The following PHKB variants were observed in gnomAD, a reference collection of about 807,000 sequenced individuals.
The protein encoded by PHKB is phosphorylase kinase regulatory subunit beta.
PHKB carries 122 observed loss-of-function variants against 152.1 expected under a neutral mutation model. The observed-to-expected ratio is 0.80, with a 90% CI of 0.69 to 0.93. The LOEUF (loss-of-function observed/expected upper bound fraction) is 0.93, where lower values mean the gene tolerates loss of function less well. PHKB is among the 40% of genes least tolerant of loss of function. PHKB has a pLI of 0.00. For missense variants in PHKB, 1,304 were observed against 1,328.4 expected (o/e 0.98, Z 0.29); for synonymous variants, 436 against 464.9 (o/e 0.94, Z 0.80).
chr16:47,547,438 T>G lies in PHKB; in HGVS notation c.600T>G (p.Ser200=). The change falls in exon 7 of 31, where the codon TCT becomes TCG. Residue 200 remains serine, a synonymous_variant. Transcript: ENST00000323584. The stretch of plus-strand genomic sequence containing the variant: ...TTCATTTCTTTTTCTTTTAGGTCTC[T>G]TTTATTCAAAACCTTGTATTTTGTG... The part of the protein sequence containing the change: ...LQIIYNTDEV[S]FIQNLVFCVE... 1 of 1,597,304 alleles carries G rather than the reference T, an allele frequency of 6.3e-7. No homozygotes were observed. The highest frequency in any genetic ancestry group is 1.1e-5 in the South Asian group (1 of 90,742).
At chr16:47,624,525 A>G (rs1467709131) in intron 14 of PHKB, among the ~76,000 whole-genome samples, 1 of 152,194 alleles carries the variant, frequency 6.6e-6, no homozygotes, top group Non-Finnish European at 1.5e-5. Flanking sequence ...GCTTCTAATT[A>G]CAATTGGAAC....
intron 7 of PHKB, chr16:47,565,715 C>T: frequency 6.8e-7 from 1 of 1,474,478 alleles, no homozygotes; most frequent in South Asian, 1.2e-5. Context: ...TCTCCCGAGG[C>T]CATCGTTCTA....
chr16:47,691,913 A>G (rs767143747), intron 27 of PHKB, among the ~76,000 whole-genome samples: 2 of 152,232 alleles, frequency 1.3e-5, no homozygotes, highest in Non-Finnish European at 2.9e-5. Context: ...TTTTTAAAGT[A>G]TTAATCATAA....
Position 47,588,291 on chromosome 16 carries a change from G to A in PHKB, c.870+528G>A, listed in dbSNP as rs528280202. ...AAAACAACTCTTTTATGTAAGTAAT[G>A]TAAGATTATCATTAAAAAAAAAAAA... On this transcript the variant is annotated intron_variant, in intron 9 of 30. Coordinates refer to ENST00000323584, the MANE Select transcript of PHKB (RefSeq NM_000293.3). Among the ~76,000 whole-genome samples the A allele has an allele frequency of 2.0e-5, 3 of 149,694 alleles. No homozygotes were observed. The East Asian group carries it at 5.9e-4, about 29-fold the overall frequency.
chr16:47,467,404 A>G (rs1206084145), intron 1 of PHKB, among the ~76,000 whole-genome samples: 1 of 152,168 alleles, frequency 6.6e-6, no homozygotes, highest in Non-Finnish European at 1.5e-5. Context: ...GTCAGTAATC[A>G]CTGTAACTCT....
chr16:47,593,441 AAAT>A lies in PHKB; in HGVS notation c.1069-46_1069-44del, dbSNP rs548121217. 1.1e-3 allele frequency: 1,022 copies of A among 932,576 alleles called. 9 individuals are homozygous for A. The African/African-American group carries it at 0.014, about 13-fold the overall frequency. The allele number at this position is 932,576 out of a possible 1,614,324, so 57.8% of individuals were successfully genotyped here. A position where few individuals can be genotyped will look rare whatever the true frequency, so the allele number is the denominator to read the frequency against. On this transcript the variant is annotated intron_variant, in intron 10 of 30. Transcript: ENST00000323584. ...GGCCACAGAGTGAGATCTTGTCTCA[AAAT>A]AATAATAATAATTTAATTGTTAGTG...
At chr16:47,602,453 C>T (rs772185947) in intron 13 of PHKB, among the ~76,000 whole-genome samples, 1 of 151,900 alleles carries the variant, frequency 6.6e-6, no homozygotes, top group African/African-American at 2.4e-5. Context: ...ATTATTAACA[C>T]CCAGCAAACT....
chr16:47,616,982 T>C (rs1037125839), intron 14 of PHKB, among the ~76,000 whole-genome samples: 1 of 151,510 alleles, frequency 6.6e-6, no homozygotes, highest in Non-Finnish European at 1.5e-5. Flanking sequence ...TAAGAACACC[T>C]TAAGTAGTTT....
chr16:47,605,714 T>C (rs1972310149), intron 13 of PHKB, among the ~76,000 whole-genome samples: 2 of 152,186 alleles, frequency 1.3e-5, no homozygotes, highest in South Asian at 4.1e-4. Flanking sequence ...TTTGAAAAAG[T>C]GTATTTTTTT....
intron 7 of PHKB, among the ~76,000 whole-genome samples, chr16:47,574,041 T>C (rs539961722): frequency 6.6e-6 from 1 of 152,304 alleles, no homozygotes; most frequent in African/African-American, 2.4e-5. Context: ...TGTCTCAGCC[T>C]CCTGAGTAGC....
At chr16:47,630,107 A>T (rs953206160) in intron 14 of PHKB, among the ~76,000 whole-genome samples, 9 of 152,108 alleles carry the variant, frequency 5.9e-5, no homozygotes, top group Admixed American at 1.3e-4. Flanking sequence ...CGCACCAGCA[A>T]GGCACATGTA....
At chr16:47,597,964 CAATGTATTCTAATTTGAAGG>C (rs1972152899) in intron 13 of PHKB, 1 of 151,816 alleles carries the variant, frequency 6.6e-6, no homozygotes, top group African/African-American at 2.4e-5. Context: ...TTCAACTGTA[CAATGTATTCTAATTTGAAGG>C]TTTTCAAATA....
chr16:47,681,949 CT>C (rs1234731460), intron 26 of PHKB, among the ~76,000 whole-genome samples: 2 of 152,112 alleles, frequency 1.3e-5, no homozygotes, highest in Admixed American at 1.3e-4. Flanking sequence ...TTCAGGAGCT[CT>C]TTTAGGGCAG....
At chr16:47,661,665 G>T in intron 22 of PHKB, 54 bp from the exon 23 acceptor site, 1 of 1,134,806 alleles carries the variant, frequency 8.8e-7, no homozygotes, top group Non-Finnish European at 1.3e-6. Context: ...TACCCTCTGT[G>T]GTAACTGCTG....
chr16:47,503,814 CA>C (rs1368669935), intron 4 of PHKB, among the ~76,000 whole-genome samples: 1 of 151,794 alleles, frequency 6.6e-6, no homozygotes, highest in Admixed American at 6.6e-5. Flanking sequence ...GGCGACAGAG[CA>C]AGTCTCTGTC....
At chr16:47,561,923 T>C (rs908848606) in intron 7 of PHKB, 2 of 152,202 alleles carry the variant, frequency 1.3e-5, no homozygotes, top group African/African-American at 4.8e-5. Context: ...TACCTTCTGT[T>C]GAGTGGCCCT....
At chr16:47,612,379 A>G (rs1972444150) in intron 14 of PHKB, among the ~76,000 whole-genome samples, 1 of 152,210 alleles carries the variant, frequency 6.6e-6, no homozygotes, top group Non-Finnish European at 1.5e-5. Context: ...TGGCTAACAA[A>G]ATCATCAGTT....
chr16:47,489,611 C>A (rs1452880657), intron 1 of PHKB, among the ~76,000 whole-genome samples: 1 of 152,090 alleles, frequency 6.6e-6, no homozygotes, highest in Non-Finnish European at 1.5e-5. Flanking sequence ...GTTGGGTAAC[C>A]CTCTCTTAAG....
intron 1 of PHKB, among the ~76,000 whole-genome samples, chr16:47,470,309 T>G (rs1969743119): frequency 6.6e-6 from 1 of 152,208 alleles, no homozygotes. Flanking sequence ...TGGGCCGAAT[T>G]AAAGGAATGG....
Sources: gnomAD v4.1 joint callset for allele counts (sites outside exome capture counted in the v4.1 genomes callset) on GRCh38, gnomAD v4.1.1 for gene constraint, MANE v1.5 for transcripts, NCBI Gene and HGNC (gene_info 2026-07-23, HGNC 2026-07-21) for gene names.